Variants in ARHGEF3 observed in about 807,000 individuals in gnomAD.
ARHGEF3 encodes 59.8 kDA protein.
A neutral mutation model predicts 63.2 loss-of-function variants in ARHGEF3; 28 were observed. The observed-to-expected ratio is 0.44, with a 90% CI of 0.33 to 0.61. The LOEUF (loss-of-function observed/expected upper bound fraction) is 0.61, where lower values mean the gene tolerates loss of function less well. ARHGEF3 is among the 20% of genes least tolerant of loss of function. ARHGEF3 has a pLI of 0.03. For synonymous variants in ARHGEF3, 266 were observed against 254.2 expected (o/e 1.05, Z -0.44); for missense variants, 533 against 659.3 (o/e 0.81, Z 2.10).
chr3:56,969,639 C>T (rs11711226), intron 2 of ARHGEF3, among the ~76,000 whole-genome samples: 2 of 151,548 alleles, frequency 1.3e-5, no homozygotes, highest in East Asian at 3.9e-4. Context: ...AGCATGGTGG[C>T]TCATGCCTAT....
intron 4 of ARHGEF3, among the ~76,000 whole-genome samples, chr3:56,855,957 A>G (rs1461397160): frequency 2.6e-5 from 4 of 152,244 alleles, no homozygotes; most frequent in Non-Finnish European, 1.5e-5. Context: ...TCATTTTTCA[A>G]TTCCACTACT....
rs779800195 is a variant in ARHGEF3, at chr3:56,728,168, GA to G, written c.*1101del. On this transcript the variant is annotated 3_prime_UTR_variant, in exon 10 of 10. Coordinates refer to ENST00000296315, the MANE Select transcript of ARHGEF3 (RefSeq NM_019555.3). ...TCAGAGTTAATGAAATTGGCCTCTG[GA>G]GAACATAATTACAATTCTGATTATA... The G allele has an allele frequency of 2.6e-5, 4 of 152,578 alleles. No homozygotes were observed. The highest frequency in any genetic ancestry group is 5.9e-5 in the Non-Finnish European group (4 of 68,032). The allele number at this position is 152,578 out of a possible 1,614,324, so 9.5% of individuals were successfully genotyped here.
chr3:57,050,190 T>C (rs376206341), intron 1 of ARHGEF3, among the ~76,000 whole-genome samples: 13 of 152,348 alleles, frequency 8.5e-5, no homozygotes, highest in African/African-American at 3.1e-4. Flanking sequence ...CATTACCACC[T>C]GCAGTATTGA....
At chr3:56,918,237 T>C (rs2042034629) in intron 3 of ARHGEF3, among the ~76,000 whole-genome samples, 1 of 152,186 alleles carries the variant, frequency 6.6e-6, no homozygotes, top group African/African-American at 2.4e-5. Context: ...CACCCAGCCA[T>C]TCCTCTCTTG....
chr3:57,041,045 A>G (rs35032820), intron 1 of ARHGEF3, among the ~76,000 whole-genome samples: 15,946 of 152,182 alleles, frequency 0.1, 1,002 homozygotes, highest in South Asian at 0.16. Flanking sequence ...GGACTTCATT[A>G]TGACTGTCAT....
intron 2 of ARHGEF3, among the ~76,000 whole-genome samples, chr3:57,030,741 T>A (rs1004945541): frequency 6.6e-6 from 1 of 152,216 alleles, no homozygotes; most frequent in African/African-American, 2.4e-5. Flanking sequence ...CAGTCACTGA[T>A]GACCACAGAA....
chr3:56,774,965 A>G (rs2036213022), intron 1 of ARHGEF3: 1 of 1,435,422 alleles, frequency 7.0e-7, no homozygotes, highest in African/African-American at 1.5e-5. Flanking sequence ...ATGATGATAG[A>G]CAAAACATTT....
chr3:57,018,682 G>A (rs775350828), intron 2 of ARHGEF3, among the ~76,000 whole-genome samples: 9 of 152,122 alleles, frequency 5.9e-5, no homozygotes, highest in South Asian at 2.1e-4. Flanking sequence ...CGTTTATGTC[G>A]TGTCTCACCT....
chr3:56,846,150 G>C (rs2039481928), intron 4 of ARHGEF3, among the ~76,000 whole-genome samples: 1 of 152,186 alleles, frequency 6.6e-6, no homozygotes. Flanking sequence ...CTCCTTAACA[G>C]TTCTAAAATT....
intron 2 of ARHGEF3, among the ~76,000 whole-genome samples, chr3:56,985,379 G>A (rs1291369205): frequency 1.3e-5 from 2 of 152,358 alleles, no homozygotes; most frequent in African/African-American, 2.4e-5. Flanking sequence ...GTGAGCCACC[G>A]CGCCCAGCCT....
intron 2 of ARHGEF3, among the ~76,000 whole-genome samples, chr3:57,017,179 G>A (rs1233535732): frequency 6.6e-6 from 1 of 152,106 alleles, no homozygotes; most frequent in Non-Finnish European, 1.5e-5. Flanking sequence ...AGGAGACTGA[G>A]GCTTAGACAA....
chr3:57,066,879 C>T (rs1300266503), intron 1 of ARHGEF3, among the ~76,000 whole-genome samples: 2 of 152,092 alleles, frequency 1.3e-5, no homozygotes, highest in South Asian at 4.1e-4. Flanking sequence ...CCTGGGTCTC[C>T]GGCCTGCCAG....
intron 2 of ARHGEF3, among the ~76,000 whole-genome samples, chr3:57,034,651 A>AAATTCTT (rs1703874264): frequency 2.1e-5 from 3 of 144,126 alleles, no homozygotes; most frequent in African/African-American, 7.9e-5. Context: ...TGCTAACTCC[A>AAATTCTT]AATTCTTTTT....
At position 57,039,033 on chromosome 3, in the gene ARHGEF3, C is replaced by T. The variant is rs536205241; in HGVS notation, c.-27-3857G>A. ...CACAAAGTTACAAAGATGAGATAAG[C>T]GCTGTTCTGACTCTTCAGATGGAAA... is the stretch of plus-strand genomic sequence containing the variant. On this transcript the variant is annotated intron_variant, in intron 1 of 12. Transcript: ENST00000338458. 6.6e-5 allele frequency among the ~76,000 whole-genome samples: 10 copies of T among 152,278 alleles called. No homozygotes were observed. The South Asian group carries it at 8.3e-4, about 13-fold the overall frequency.
At chr3:56,971,283 C>A (rs989005363) in intron 2 of ARHGEF3, among the ~76,000 whole-genome samples, 1 of 152,106 alleles carries the variant, frequency 6.6e-6, no homozygotes, top group Non-Finnish European at 1.5e-5. Flanking sequence ...GTCTTCTAAG[C>A]GCCCGGCAGG....
chr3:56,795,655 C>CTTTTTTT (rs11306302), intron 1 of ARHGEF3, among the ~76,000 whole-genome samples: 8 of 130,566 alleles, frequency 6.1e-5, no homozygotes, highest in South Asian at 2.6e-4. Flanking sequence ...GTCTCTCTCT[C>CTTTTTTT]TTTTTTTTTT....
At chr3:56,877,158 A>G (rs972017525) in intron 4 of ARHGEF3, among the ~76,000 whole-genome samples, 1 of 152,170 alleles carries the variant, frequency 6.6e-6, no homozygotes, top group African/African-American at 2.4e-5. Context: ...TTACACAAAC[A>G]TGTTCCTGGA....
intron 4 of ARHGEF3, among the ~76,000 whole-genome samples, chr3:56,816,729 C>A (rs1028936338): frequency 2.0e-5 from 3 of 152,166 alleles, no homozygotes; most frequent in Non-Finnish European, 4.4e-5. Flanking sequence ...AAGCAACTTG[C>A]CCAAAGTCAC....
intron 4 of ARHGEF3, among the ~76,000 whole-genome samples, chr3:56,810,934 C>T (rs972920806): frequency 2.0e-5 from 3 of 152,208 alleles, no homozygotes; most frequent in Admixed American, 6.5e-5. Flanking sequence ...ATCCCCCAGC[C>T]ACAGGCTAGA....
Sources: allele counts gnomAD v4.1 joint callset (sites outside exome capture counted in the v4.1 genomes callset), GRCh38; gene constraint gnomAD v4.1.1; transcripts MANE v1.5; gene names NCBI Gene and HGNC (gene_info 2026-07-23, HGNC 2026-07-21).